Variants in TDRD12 observed in about 807,000 individuals in gnomAD.
The protein encoded by TDRD12 is tudor domain containing 12.
TDRD12 carries 158 observed loss-of-function variants against 133.5 expected under a neutral mutation model. The observed-to-expected ratio is 1.18, with a 90% confidence interval of 1.04 to 1.35. TDRD12 has a LOEUF of 1.35. Ranked by LOEUF, TDRD12 falls within the 40% of genes most tolerant of loss-of-function variation. The pLI, the probability that TDRD12 is intolerant of heterozygous loss-of-function variation, is 0.00. For synonymous variants in TDRD12, 460 were observed against 477.9 expected, an observed-to-expected ratio of 0.96 and a Z score of 0.49; for missense variants, 1,443 against 1,321.3, an observed-to-expected ratio of 1.09 and a Z score of -1.43.
At chr19:32,822,874 A>G (rs768599245), downstream of TDRD12, among the ~76,000 whole-genome samples, 1 of 152,222 alleles carries the variant, frequency 6.6e-6, no homozygotes, top group Non-Finnish European at 1.5e-5. Flanking sequence ...TGGCCTTTTA[A>G]TTTTGATATT....
At chr19:32,781,314 G>A (rs912795851) in intron 11 of TDRD12, among the ~76,000 whole-genome samples, 1 of 152,164 alleles carries the variant, frequency 6.6e-6, no homozygotes, top group Admixed American at 6.5e-5. Context: ...TCACTTGTGT[G>A]TCTTTGGACA....
Position 32,742,825 on chromosome 19 carries a change from CAA to C in TDRD12, c.371_372del (p.Lys124IlefsTer14). 6.4e-7 allele frequency: 1 copy of C among 1,551,726 alleles called. No homozygotes were observed. The highest frequency in any genetic ancestry group is 2.4e-5 in the East Asian group (1 of 40,914). On this transcript the variant is annotated frameshift_variant, in exon 4 of 28. Coordinates refer to ENST00000444215, the Ensembl canonical transcript of TDRD12. LOFTEE classifies it high-confidence loss of function. Reference sequence around the variant, plus strand: ...TCGTTTATGCAGCTTCCCTATAGAGCAAAAAAATTCAGCCTGTACTGCACAAA... The same window carrying C: ...TCGTTTATGCAGCTTCCCTATAGAGCAAAAATTCAGCCTGTACTGCACAAA...
intron 11 of TDRD12, among the ~76,000 whole-genome samples, chr19:32,783,212 A>C (rs1970816859): frequency 6.6e-6 from 1 of 152,174 alleles, no homozygotes. Flanking sequence ...ACCATTTATT[A>C]AATAGAGAAT....
At chr19:32,764,925 A>C in intron 8 of TDRD12, among the ~76,000 whole-genome samples, 1 of 152,190 alleles carries the variant, frequency 6.6e-6, no homozygotes. Context: ...GCACAGCAAA[A>C]GAAACTACCA....
In TDRD12 at chr19:32,758,568, A is replaced by G. The variant is rs533453976; in HGVS notation, c.865+1438A>G. Among the ~76,000 whole-genome samples, 59 of 152,238 alleles carry G rather than the reference A, an allele frequency of 3.9e-4. 1 individual carries two copies. In the South Asian group the frequency reaches 0.012, roughly 30 times the overall value. ...AGGGACCCACCCCATCTCGCTAGGC[A>G]TTTGACTGCCTTTTGCTGCTATCAA... On this transcript the variant is annotated intron_variant, in intron 8 of 27. Coordinates refer to ENST00000444215, the Ensembl canonical transcript of TDRD12.
chr19:32,750,005 AC>A (rs1410879748), intron 6 of TDRD12, 136 bp downstream of exon 6: 2 of 574,336 alleles, frequency 3.5e-6, no homozygotes, highest in Non-Finnish European at 5.7e-6. Context: ...TCTATCTTAG[AC>A]CCGAAGTTAG....
intron 24 of TDRD12, 49 bp from the exon 25 acceptor site, chr19:32,813,635 G>C: frequency 9.3e-7 from 1 of 1,077,304 alleles, no homozygotes; most frequent in Non-Finnish European, 1.4e-6. Flanking sequence ...TACAAAATAA[G>C]GTATTTTGTT....
At chr19:32,736,417 T>A (rs1357987242) in intron 2 of TDRD12, among the ~76,000 whole-genome samples, 1 of 152,168 alleles carries the variant, frequency 6.6e-6, no homozygotes, top group East Asian at 1.9e-4. Flanking sequence ...CAATTAGTGC[T>A]CATTGACAGT....
At chr19:32,795,959 C>A (rs998661474) in intron 14 of TDRD12, among the ~76,000 whole-genome samples, 1 of 152,114 alleles carries the variant, frequency 6.6e-6, no homozygotes, top group Non-Finnish European at 1.5e-5. Flanking sequence ...AGCCAATCAC[C>A]CCCCACCAGC....
At chr19:32,802,214 TATGATAGTGATC>T (rs966158143) in intron 19 of TDRD12, among the ~76,000 whole-genome samples, 5 of 127,184 alleles carry the variant, frequency 3.9e-5, no homozygotes, top group African/African-American at 1.7e-4. Flanking sequence ...TGATCATATA[TATGATAGTGATC>T]ATATATATGA....
chr19:32,742,594 A>G (rs558594230), intron 3 of TDRD12, among the ~76,000 whole-genome samples, 187 bp from the exon 4 acceptor site: 5 of 152,154 alleles, frequency 3.3e-5, no homozygotes, highest in Non-Finnish European at 7.4e-5. Context: ...TCAACCTCCC[A>G]AGAAGCAGTT....
intron 14 of TDRD12, among the ~76,000 whole-genome samples, chr19:32,795,766 C>A (rs978057512): frequency 2.0e-5 from 3 of 152,154 alleles, no homozygotes; most frequent in Non-Finnish European, 4.4e-5. Context: ...GGCATCTGCT[C>A]GGCTTCTGCG....
At chr19:32,818,513 G>C (rs1967266542) in intron 27 of TDRD12, among the ~76,000 whole-genome samples, 1 of 152,206 alleles carries the variant, frequency 6.6e-6, no homozygotes, top group Non-Finnish European at 1.5e-5. Flanking sequence ...GACTGTGCCA[G>C]GAGCTTAGGA....
downstream of TDRD12, among the ~76,000 whole-genome samples, chr19:32,823,376 C>CT (rs946110122): frequency 4.7e-5 from 7 of 150,306 alleles, no homozygotes; most frequent in African/African-American, 1.5e-4. Flanking sequence ...CCCCACACAG[C>CT]TTTTTTTTGG....
intron 14 of TDRD12, among the ~76,000 whole-genome samples, chr19:32,797,435 C>T (rs1315762347): frequency 6.6e-6 from 1 of 152,198 alleles, no homozygotes; most frequent in Non-Finnish European, 1.5e-5. Context: ...CTTCACCTCT[C>T]TGTACCTCAA....
At chr19:32,826,032 A>ATT, downstream of TDRD12, 1 of 1,188,732 alleles carries the variant, frequency 8.4e-7, no homozygotes, top group South Asian at 1.3e-5. Flanking sequence ...GTATATATAT[A>ATT]TGTGTGTACA....
intron 2 of TDRD12, among the ~76,000 whole-genome samples, chr19:32,733,334 G>C (rs1356870019): frequency 6.6e-6 from 1 of 152,098 alleles, no homozygotes; most frequent in Non-Finnish European, 1.5e-5. Context: ...GCTGGGCGTG[G>C]TGGCAGGCAC....
At chr19:32,806,651 CTTTA>C (rs563231946) in intron 21 of TDRD12, among the ~76,000 whole-genome samples, 2 of 150,612 alleles carry the variant, frequency 1.3e-5, no homozygotes, top group Non-Finnish European at 3.0e-5. Context: ...CAAATACTGA[CTTTA>C]TTTATTTATT....
chr19:32,817,538 G>A (rs1434634850), intron 26 of TDRD12, among the ~76,000 whole-genome samples: 3 of 152,010 alleles, frequency 2.0e-5, no homozygotes, highest in African/African-American at 7.3e-5. Flanking sequence ...TGCCCCTCTT[G>A]ACTGTGGTGA....
Sources: gnomAD v4.1 joint callset for allele counts (sites outside exome capture counted in the v4.1 genomes callset) on GRCh38, gnomAD v4.1.1 for gene constraint, MANE v1.5 for transcripts, NCBI Gene and HGNC (gene_info 2026-07-23, HGNC 2026-07-21) for gene names.